FNBP1: variants seen among roughly 807,000 people sequenced by gnomAD.
FNBP1 encodes formin-binding protein 1.
Under a neutral mutation model 90.6 loss-of-function variants are expected in FNBP1, and 26 were observed. The observed-to-expected ratio is 0.29, with a 90% CI of 0.21 to 0.40. The LOEUF (loss-of-function observed/expected upper bound fraction) is 0.40. Among genes scored for constraint, FNBP1 ranks in the 10% least tolerant of loss-of-function variants. The pLI is 1.00. For missense variants in FNBP1, 635 were observed against 768.0 expected, an observed-to-expected ratio of 0.83 and a Z score of 2.05; for synonymous variants, 260 against 265.2, an observed-to-expected ratio of 0.98 and a Z score of 0.19.
intron 11 of FNBP1, among the ~76,000 whole-genome samples, chr9:129,912,700 A>AG (rs1166859431): frequency 1.3e-5 from 2 of 151,608 alleles, no homozygotes; most frequent in Non-Finnish European, 2.9e-5. Flanking sequence ...CAAAAAAAAA[A>AG]AAAAAAAAAG....
intron 1 of FNBP1, among the ~76,000 whole-genome samples, chr9:130,011,121 C>T (rs563968902): frequency 2.6e-4 from 37 of 141,554 alleles, no homozygotes; most frequent in Middle Eastern, 4.1e-3. Context: ...GAGGCTGAGG[C>T]GGGAGAACAG....
chr9:129,943,466 A>G (rs2044664580), intron 6 of FNBP1, among the ~76,000 whole-genome samples: 1 of 144,240 alleles, frequency 6.9e-6, no homozygotes, highest in African/African-American at 2.6e-5. Flanking sequence ...GGCTCACTGC[A>G]ACCTTTGCCT....
chr9:129,990,866 T>C (rs901456192), intron 2 of FNBP1, among the ~76,000 whole-genome samples: 3 of 151,238 alleles, frequency 2.0e-5, no homozygotes, highest in African/African-American at 4.9e-5. Flanking sequence ...GATTTCCTGA[T>C]GGCTTGAGCT....
intron 1 of FNBP1, among the ~76,000 whole-genome samples, chr9:130,028,221 T>C (rs2132081612): frequency 6.6e-6 from 1 of 152,372 alleles, no homozygotes; most frequent in African/African-American, 2.4e-5. Flanking sequence ...GCAATATTGT[T>C]GTGGACATCT....
chr9:130,038,152 A>T (rs939181872), intron 1 of FNBP1, among the ~76,000 whole-genome samples: 16 of 151,922 alleles, frequency 1.1e-4, no homozygotes, highest in Non-Finnish European at 2.9e-5. Flanking sequence ...CAGGAAATCG[A>T]GACCATCCTG....
chr9:129,997,902 C>A (rs966918664), intron 1 of FNBP1, among the ~76,000 whole-genome samples: 3 of 151,998 alleles, frequency 2.0e-5, no homozygotes, highest in African/African-American at 4.8e-5. Context: ...AAAGCCCTCT[C>A]CCAGCTGGGC....
intron 2 of FNBP1, among the ~76,000 whole-genome samples, chr9:129,985,205 C>T (rs551688206): frequency 2.0e-5 from 3 of 152,156 alleles, no homozygotes; most frequent in South Asian, 2.1e-4. Flanking sequence ...AGAAATGGAA[C>T]GAAGTGTGGC....
rs2037551256 is a variant in FNBP1 at position 129,904,281 on chromosome 9, C to T, written c.1296-1280G>A. Among the ~76,000 whole-genome samples the T allele has an allele frequency of 3.3e-5, 5 of 152,284 alleles. No homozygotes were observed. The South Asian group carries it at 1.0e-3, about 32-fold the overall frequency. Reference sequence around the variant, plus strand: ...CCTTAAAGCTACACACTGTGGATCCCACATCCTTCCTGAAATCATGTCTGG... The same window carrying T: ...CCTTAAAGCTACACACTGTGGATCCTACATCCTTCCTGAAATCATGTCTGG... On this transcript the variant is annotated intron_variant, in intron 12 of 16. Coordinates refer to ENST00000446176, the MANE Select transcript of FNBP1 (RefSeq NM_015033.3).
intron 1 of FNBP1, among the ~76,000 whole-genome samples, chr9:130,007,097 C>T (rs959721911): frequency 2.0e-5 from 3 of 151,296 alleles, no homozygotes; most frequent in Admixed American, 2.0e-4. Context: ...ACAAAGTTAG[C>T]TGGGTGTGGT....
At chr9:129,923,440 G>A (rs953055623) in intron 10 of FNBP1, among the ~76,000 whole-genome samples, 1 of 151,820 alleles carries the variant, frequency 6.6e-6, no homozygotes, top group Non-Finnish European at 1.5e-5. Flanking sequence ...GTAGCTGGGC[G>A]TGGTGGCATA....
At chr9:130,011,749 C>G (rs575389653) in intron 1 of FNBP1, among the ~76,000 whole-genome samples, 58 of 152,150 alleles carry the variant, frequency 3.8e-4, no homozygotes, top group African/African-American at 1.3e-3. Flanking sequence ...CACAAATGGA[C>G]TAAGACAACA....
At chr9:130,023,669 CCACT>C (rs2131975588) in intron 1 of FNBP1, among the ~76,000 whole-genome samples, 1 of 151,900 alleles carries the variant, frequency 6.6e-6, no homozygotes, top group Non-Finnish European at 1.5e-5. Context: ...GATCTGAGCC[CCACT>C]CACTCCATGT....
intron 6 of FNBP1, among the ~76,000 whole-genome samples, chr9:129,932,512 T>TAAA (rs2042916739): frequency 6.6e-6 from 1 of 152,194 alleles, no homozygotes; most frequent in Admixed American, 6.5e-5. Flanking sequence ...GCTTCCCTTA[T>TAAA]TTTCTTCCCT....
intron 12 of FNBP1, among the ~76,000 whole-genome samples, chr9:129,904,949 T>C (rs1278950784): frequency 6.6e-6 from 1 of 152,210 alleles, no homozygotes; most frequent in Non-Finnish European, 1.5e-5. Flanking sequence ...ATCATGTTTA[T>C]AAATAATTTT....
intron 1 of FNBP1, among the ~76,000 whole-genome samples, chr9:130,020,848 T>C (rs2057759153): frequency 6.6e-6 from 1 of 152,114 alleles, no homozygotes; most frequent in Non-Finnish European, 1.5e-5. Flanking sequence ...TTCGTTCCCA[T>C]TGCAGGAACA....
At chr9:130,018,166 G>A (rs780898343) in intron 1 of FNBP1, among the ~76,000 whole-genome samples, 9 of 150,842 alleles carry the variant, frequency 6.0e-5, no homozygotes, top group Non-Finnish European at 1.0e-4. Context: ...CACCCACCTC[G>A]GCCTCCCAAA....
intron 16 of FNBP1, among the ~76,000 whole-genome samples, chr9:129,892,074 G>A (rs948164430): frequency 3.9e-5 from 6 of 152,124 alleles, no homozygotes; most frequent in Non-Finnish European, 7.4e-5. Context: ...CTCCCCATGC[G>A]AGAGGCTTCG....
chr9:130,015,193 G>A (rs1477714773), intron 1 of FNBP1, among the ~76,000 whole-genome samples: 1 of 152,040 alleles, frequency 6.6e-6, no homozygotes, highest in East Asian at 1.9e-4. Flanking sequence ...CACTTACTAT[G>A]CCAAATACTA....
chr9:129,890,543 G>C lies in FNBP1; in HGVS notation c.1850C>G (p.Ser617Cys), dbSNP rs771363403. ...EVCLDKNAKD[S>C] The stretch of plus-strand genomic sequence containing the variant: ...GAGGCTCGCAGGCACTCCCCTCTAG[G>C]AATCTACAACACAAAGAGAAACAGA... Residue 617 changes from serine to cysteine, a missense_variant, in exon 17 of 17, where the codon TCC becomes TGC. Ser to Cys is a moderately radical substitution (Grantham distance 112). Transcript: ENST00000446176. The surrounding 1 kb of genome is among the most constrained non-coding windows in gnomAD (Gnocchi z 5.8). The C allele has an allele frequency of 1.3e-6, 2 of 1,585,400 alleles. No individual in the cohort carries two copies. The highest frequency in any genetic ancestry group is 2.3e-5 in the South Asian group (2 of 86,390).
Sources: allele counts gnomAD v4.1 joint callset (sites outside exome capture counted in the v4.1 genomes callset), GRCh38; gene constraint gnomAD v4.1.1; non-coding constraint Gnocchi (gnomAD v3.1); transcripts MANE v1.5; gene names NCBI Gene and HGNC (gene_info 2026-07-23, HGNC 2026-07-21).